CDH18: variants seen among roughly 807,000 people sequenced by gnomAD.
CDH18 encodes cadherin 18.
A neutral mutation model predicts 67.9 loss-of-function variants in CDH18; 31 were observed. That is an observed-to-expected ratio of 0.46 (90% CI 0.34 to 0.62). The LOEUF (loss-of-function observed/expected upper bound fraction) is 0.62. Ranked by LOEUF, CDH18 falls within the 20% of genes least tolerant of loss-of-function variation. The probability of loss-of-function intolerance (pLI) is 0.01; values close to 1 mark genes in which losing one functional copy is unlikely to be tolerated. For synonymous variants in CDH18, 362 were observed against 347.2 expected, an observed-to-expected ratio of 1.04 and a Z score of -0.48; for missense variants, 890 against 975.5, an observed-to-expected ratio of 0.91 and a Z score of 1.17.
At chr5:19,943,702 C>T (rs775404748) in intron 2 of CDH18, among the ~76,000 whole-genome samples, 5 of 151,886 alleles carry the variant, frequency 3.3e-5, no homozygotes, top group Admixed American at 2.6e-4. Flanking sequence ...AAAAAACACT[C>T]GAATATCCTG....
At chr5:20,334,332 T>A (rs1739505778) in intron 1 of CDH18, among the ~76,000 whole-genome samples, 1 of 149,210 alleles carries the variant, frequency 6.7e-6, no homozygotes, top group Non-Finnish European at 1.5e-5. Flanking sequence ...AGAGACGGGG[T>A]TTCACCGTGT....
At chr5:19,735,273 C>T (rs1768151076) in intron 4 of CDH18, among the ~76,000 whole-genome samples, 1 of 151,962 alleles carries the variant, frequency 6.6e-6, no homozygotes, top group African/African-American at 2.4e-5. Context: ...AATCTGATCC[C>T]AGTGTATTTT....
intron 2 of CDH18, among the ~76,000 whole-genome samples, chr5:20,074,475 C>A (rs1743753572): frequency 6.6e-6 from 1 of 152,056 alleles, no homozygotes; most frequent in Admixed American, 6.6e-5. Context: ...TGTCTAAATA[C>A]CCTTGTAAAG....
intron 2 of CDH18, among the ~76,000 whole-genome samples, chr5:19,849,407 C>G (rs563494970): frequency 1.3e-5 from 2 of 151,252 alleles, no homozygotes; most frequent in Non-Finnish European, 2.9e-5. Context: ...GAATGGGGTT[C>G]GGAAAGATGG....
chr5:20,489,745 A>G (rs2126377070), intron 1 of CDH18, among the ~76,000 whole-genome samples: 1 of 152,124 alleles, frequency 6.6e-6, no homozygotes, highest in Middle Eastern at 3.4e-3. Context: ...CTCTGGGTTG[A>G]AATTTCATGG....
intron 4 of CDH18, among the ~76,000 whole-genome samples, chr5:19,743,911 A>G (rs1769581226): frequency 1.8e-5 from 2 of 112,602 alleles, no homozygotes; most frequent in Admixed American, 1.2e-4. Flanking sequence ...GCAGAGTGAG[A>G]CTCTTGTCTC....
chr5:19,768,274 TGA>T (rs1190106298), intron 3 of CDH18, among the ~76,000 whole-genome samples: 1 of 152,032 alleles, frequency 6.6e-6, no homozygotes, highest in Non-Finnish European at 1.5e-5. Context: ...CCTGAAATGG[TGA>T]ATAACAAAAC....
intron 1 of CDH18, among the ~76,000 whole-genome samples, chr5:20,319,039 C>G (rs1421010584): frequency 6.6e-6 from 1 of 152,160 alleles, no homozygotes; most frequent in Non-Finnish European, 1.5e-5. Context: ...GGTCTGGACC[C>G]CAGTCTACTT....
chr5:20,229,027 T>A (rs1231153923), intron 2 of CDH18, among the ~76,000 whole-genome samples: 1 of 152,080 alleles, frequency 6.6e-6, no homozygotes, highest in Admixed American at 6.6e-5. Flanking sequence ...ATAGTCTAAT[T>A]GATAGTTGGT....
At chr5:20,181,008 G>A (rs1737646208) in intron 2 of CDH18, among the ~76,000 whole-genome samples, 1 of 152,014 alleles carries the variant, frequency 6.6e-6, no homozygotes, top group African/African-American at 2.4e-5. Flanking sequence ...TCTATTCATG[G>A]ATCACTGATC....
chr5:20,503,559 A>G (rs955371150), intron 1 of CDH18, among the ~76,000 whole-genome samples: 1 of 152,148 alleles, frequency 6.6e-6, no homozygotes, highest in Non-Finnish European at 1.5e-5. Flanking sequence ...CATATATCAG[A>G]AATTATGGTC....
chr5:19,681,188 A>C (rs1362307969), intron 5 of CDH18, among the ~76,000 whole-genome samples: 2 of 152,022 alleles, frequency 1.3e-5, no homozygotes, highest in Non-Finnish European at 2.9e-5. Context: ...GCATTTTCTC[A>C]CTTATAAGTG....
In CDH18 at chr5:19,503,057, C is replaced by A; in HGVS notation, c.1565G>T (p.Arg522Met). 6.2e-7 allele frequency: 1 copy of A among 1,612,870 alleles called. No individual in the cohort carries two copies. Among genetic ancestry groups the A allele is most frequent in the Non-Finnish European group, 8.5e-7 (1 of 1,179,074 alleles). Residue 522 changes from arginine to methionine, a missense_variant, in exon 11 of 13, where the codon AGG becomes ATG. Physicochemically the swap from Arg to Met is moderately conservative, Grantham distance 91. Around this residue, in one of 2 missense-constraint regions of CDH18, gnomAD observed 656 missense variants for 668.1 expected, o/e 0.98. Transcript: ENST00000382275. ...TDKDDFANGP[R>M]FNFFLDERLP... Reference sequence around the variant, plus strand: ...GCGTTCATCAAGAAAGAAGTTAAACCTTGGTCCATTGGCAAAATCATCTTT... The same window carrying A: ...GCGTTCATCAAGAAAGAAGTTAAACATTGGTCCATTGGCAAAATCATCTTT...
At chr5:19,938,987 T>A (rs1794560917) in intron 2 of CDH18, among the ~76,000 whole-genome samples, 1 of 151,178 alleles carries the variant, frequency 6.6e-6, no homozygotes, top group South Asian at 2.1e-4. Flanking sequence ...TTAATCTTAA[T>A]TTAAACTTCT....
At chr5:20,005,553 T>C (rs1736832273) in intron 2 of CDH18, among the ~76,000 whole-genome samples, 1 of 151,604 alleles carries the variant, frequency 6.6e-6, no homozygotes, top group Non-Finnish European at 1.5e-5. Flanking sequence ...TTTCTATATA[T>C]ATATACACAT....
chr5:20,249,928 G>A (rs16887905), intron 2 of CDH18, among the ~76,000 whole-genome samples: 45,348 of 151,518 alleles, frequency 0.3, 7,434 homozygotes, highest in Non-Finnish European at 0.37. Flanking sequence ...CCACATTGGT[G>A]ATTTTTTTTT....
intron 1 of CDH18, among the ~76,000 whole-genome samples, chr5:20,573,824 TATATATATATATATATATA>T: frequency 6.6e-5 from 1 of 15,100 alleles, no homozygotes; most frequent in Non-Finnish European, 1.6e-4. Context: ...TATATATATA[TATATATATATATATATATA>T]TGTATTTATA....
chr5:20,148,864 A>C (rs1750873748), intron 2 of CDH18, among the ~76,000 whole-genome samples: 1 of 152,120 alleles, frequency 6.6e-6, no homozygotes, highest in Non-Finnish European at 1.5e-5. Context: ...GACAGCAAGA[A>C]AGTGATAACA....
At chr5:19,593,592 C>T (rs554992172) in intron 6 of CDH18, among the ~76,000 whole-genome samples, 73 of 147,924 alleles carry the variant, frequency 4.9e-4, no homozygotes, top group African/African-American at 1.7e-3. Context: ...CTCCCCCTCC[C>T]CTTCTACTTC....
Sources: allele counts gnomAD v4.1 joint callset (sites outside exome capture counted in the v4.1 genomes callset), GRCh38; gene constraint gnomAD v4.1.1; regional missense constraint gnomAD v4.1.1; transcripts MANE v1.5; gene names NCBI Gene and HGNC (gene_info 2026-07-23, HGNC 2026-07-21).